Variants in NBAS observed in about 807,000 individuals in gnomAD.
NBAS encodes the protein NBAS subunit of NRZ tethering complex, also known as NAG/BC035112 fusion.
NBAS carries 219 observed loss-of-function variants against 302.5 expected under a neutral mutation model. That is an observed-to-expected ratio of 0.72 (90% CI 0.65 to 0.81). The LOEUF is 0.81. NBAS is among the 30% of genes least tolerant of loss of function. The pLI, the probability that NBAS is intolerant of heterozygous loss-of-function variation, is 0.00. For synonymous variants in NBAS, 1,118 were observed against 1,021.6 expected, an observed-to-expected ratio of 1.09 and a Z score of -1.80; for missense variants, 2,932 against 2,841.6, an observed-to-expected ratio of 1.03 and a Z score of -0.72.
the NBAS span, among the ~76,000 whole-genome samples, chr2:15,010,447 AC>A: frequency 1.3e-5 from 2 of 151,834 alleles, no homozygotes; most frequent in Admixed American, 6.6e-5. Context: ...GAACCCTCCC[AC>A]CCCCCACCTT....
intron 32 of NBAS, among the ~76,000 whole-genome samples, chr2:15,356,662 C>A (rs1673637628): frequency 6.6e-6 from 1 of 152,068 alleles, no homozygotes; most frequent in East Asian, 1.9e-4. Context: ...ACCAGGAAGT[C>A]CAAAATCATG....
the NBAS span, among the ~76,000 whole-genome samples, chr2:15,021,650 A>G: frequency 2.7e-5 from 2 of 73,586 alleles, no homozygotes; most frequent in Admixed American, 1.7e-4. Context: ...AGGGGCATGA[A>G]GACTTCTTGG....
rs560564777 is a variant in NBAS, at chr2:15,475,776, A to G, written c.1252T>C (p.Leu418=). 6.2e-7 allele frequency: 1 copy of G among 1,614,022 alleles called. No homozygotes were observed. The highest frequency in any genetic ancestry group is 1.3e-5 in the African/African-American group (1 of 74,918). ...GALTVSSVKT[L]KNLLGKSCEW... ...CAGGATTTTCCCAGTAAATTCTTCA[A>G]AGTTTTCACAGATGAAACAGTTAAA... Residue 418 remains leucine, a synonymous_variant, in exon 14 of 52, where the codon TTG becomes CTG. Transcript: ENST00000281513.
chr2:15,304,808 T>C (rs1670956845), intron 40 of NBAS, among the ~76,000 whole-genome samples: 2 of 152,130 alleles, frequency 1.3e-5, no homozygotes. Flanking sequence ...AAAAAGCAAA[T>C]CATTCAAAAG....
intron 44 of NBAS, among the ~76,000 whole-genome samples, chr2:15,254,903 GGTGTGTGTGTGTGT>G (rs111732767): frequency 6.7e-6 from 1 of 149,288 alleles, no homozygotes; most frequent in Admixed American, 6.7e-5. Context: ...TGTTCCATGG[GGTGTGTGTGTGTGT>G]GTGTGTGTGC....
At chr2:15,441,351 T>C (rs1678391673) in intron 21 of NBAS, among the ~76,000 whole-genome samples, 1 of 152,102 alleles carries the variant, frequency 6.6e-6, no homozygotes, top group Non-Finnish European at 1.5e-5. Context: ...GGGCCAATAT[T>C]CAACATTCTT....
chr2:15,162,608 C>T (rs1663925467), downstream of NBAS, among the ~76,000 whole-genome samples: 1 of 152,264 alleles, frequency 6.6e-6, no homozygotes, highest in African/African-American at 2.4e-5. Context: ...CAGTGGTAGT[C>T]GCAAGTCTAA....
chr2:15,168,733 G>A (rs1032852233), intron 51 of NBAS, among the ~76,000 whole-genome samples: 4 of 152,192 alleles, frequency 2.6e-5, no homozygotes, highest in African/African-American at 9.7e-5. Context: ...GGGTTCAAGC[G>A]GTTCTCCTGC....
the NBAS span, among the ~76,000 whole-genome samples, chr2:15,064,301 TCA>T: frequency 2.8e-5 from 1 of 35,976 alleles, no homozygotes; most frequent in Non-Finnish European, 5.6e-5. Flanking sequence ...GAGAAAAGAC[TCA>T]AAAAAAAAAA....
At chr2:14,815,976 TG>T in the NBAS span, among the ~76,000 whole-genome samples, 1 of 152,234 alleles carries the variant, frequency 6.6e-6, no homozygotes, top group Non-Finnish European at 1.5e-5. Flanking sequence ...CTTTTTCTCT[TG>T]CCAAGGTTGT....
intron 12 of NBAS, among the ~76,000 whole-genome samples, chr2:15,486,872 A>G (rs545466301): frequency 2.0e-5 from 3 of 152,024 alleles, no homozygotes; most frequent in Non-Finnish European, 4.4e-5. Flanking sequence ...AAGGTTGAGC[A>G]TATTCCAATA....
At chr2:14,789,694 G>T in the NBAS span, among the ~76,000 whole-genome samples, 3 of 152,186 alleles carry the variant, frequency 2.0e-5, no homozygotes, top group African/African-American at 7.2e-5. Flanking sequence ...AATTTTGCAA[G>T]ATTGGAGGGA....
the NBAS span, among the ~76,000 whole-genome samples, chr2:15,092,226 G>A: frequency 3.3e-5 from 5 of 152,224 alleles, no homozygotes; most frequent in East Asian, 9.7e-4. Context: ...GGAAAAGAAG[G>A]TACACTTTCA....
At position 15,198,442 on chromosome 2, in the gene NBAS, A is replaced by T. The variant is rs930561839; in HGVS notation, c.6433-8039T>A. Among the ~76,000 whole-genome samples the T allele has an allele frequency of 8.5e-5, 13 of 152,204 alleles. 1 individual carries two copies. Among genetic ancestry groups the T allele is most frequent in the Admixed American group, 5.9e-4 (9 of 15,272 alleles). Reference sequence around the variant, plus strand: ...AGAAAGGATCTGAGGGAAGAGTAGCATTTGGACATGTAGAGGTAAGGGAAA... The same window carrying T: ...AGAAAGGATCTGAGGGAAGAGTAGCTTTTGGACATGTAGAGGTAAGGGAAA... On this transcript the variant is annotated intron_variant, in intron 48 of 51. Transcript: ENST00000281513.
chr2:15,171,866 G>A (rs927724297), intron 51 of NBAS, among the ~76,000 whole-genome samples: 5 of 152,344 alleles, frequency 3.3e-5, no homozygotes, highest in South Asian at 4.1e-4. Context: ...GAAGGCGGCC[G>A]TCGACACGCC....
chr2:15,047,533 GAAGGCTGGACCCATGCAGGTA>G, the NBAS span, among the ~76,000 whole-genome samples: 1 of 110,876 alleles, frequency 9.0e-6, no homozygotes, highest in African/African-American at 3.5e-5. Flanking sequence ...CCGGGCAGAT[GAAGGCTGGACCCATGCAGGTA>G]AAGGCTGGGC....
the NBAS span, among the ~76,000 whole-genome samples, chr2:14,916,713 T>C: frequency 3.3e-4 from 51 of 152,368 alleles, no homozygotes; most frequent in Non-Finnish European, 7.1e-4. Flanking sequence ...TAAGCCCTGT[T>C]TGATAATTTA....
chr2:15,106,012 C>A, the NBAS span, among the ~76,000 whole-genome samples: 1 of 152,160 alleles, frequency 6.6e-6, no homozygotes, highest in African/African-American at 2.4e-5. Context: ...TCTTTCAGCA[C>A]TGTAATCTAA....
At chr2:15,490,321 T>A (rs1287703883) in intron 11 of NBAS, among the ~76,000 whole-genome samples, 1 of 152,032 alleles carries the variant, frequency 6.6e-6, no homozygotes, top group Non-Finnish European at 1.5e-5. Context: ...AAGATTAGCA[T>A]CCTCTAATCA....
Sources: gnomAD v4.1 joint callset for allele counts (sites outside exome capture counted in the v4.1 genomes callset) on GRCh38, gnomAD v4.1.1 for gene constraint, MANE v1.5 for transcripts, NCBI Gene and HGNC (gene_info 2026-07-23, HGNC 2026-07-21) for gene names.